CABIN1: variants seen among roughly 807,000 people sequenced by gnomAD.
CABIN1 encodes the protein calcineurin-binding protein cabin-1.
A neutral mutation model predicts 227.7 loss-of-function variants in CABIN1; 133 were observed. The observed-to-expected ratio is 0.58, with a 90% CI of 0.51 to 0.67. The LOEUF is 0.67. Ranked by LOEUF, CABIN1 falls within the 30% of genes least tolerant of loss-of-function variation. The pLI is 0.00. For missense variants in CABIN1, 2,408 were observed against 2,852.5 expected (o/e 0.84, Z 3.55); for synonymous variants, 1,086 against 1,155.1 (o/e 0.94, Z 1.21).
Position 24,098,139 on chromosome 22 carries a change from T to C in CABIN1, c.4064T>C (p.Ile1355Thr), listed in dbSNP as rs138015318. 3.1e-6 allele frequency: 5 copies of C among 1,614,006 alleles called. No homozygotes were observed. Among genetic ancestry groups the C allele is most frequent in the Non-Finnish European group, 4.2e-6 (5 of 1,180,016 alleles). ...LTSPPYTATP[I>T]DHDYVKCKKP... ...TCCCCACCTTACACAGCCACTCCGA[T>C]TGACCACGATTACGTCAAATGTAAA... The change falls in exon 26 of 37, where the codon ATT (isoleucine) becomes ACT (threonine). Residue 1355 changes from isoleucine (I) to threonine (T), a missense_variant. Physicochemically the swap from Ile to Thr is moderately conservative, Grantham distance 89. Transcript: ENST00000263119.
chr22:24,029,623 C>G (rs1409488083), intron 1 of CABIN1, among the ~76,000 whole-genome samples: 1 of 152,080 alleles, frequency 6.6e-6, no homozygotes, highest in Non-Finnish European at 1.5e-5. Flanking sequence ...CCCCCACAGT[C>G]TTCCCAATGT....
chr22:24,072,644 T>A, intron 18 of CABIN1, 134 bp downstream of exon 18: 1 of 1,105,736 alleles, frequency 9.0e-7, no homozygotes, highest in Non-Finnish European at 1.3e-6. Context: ...GGATTTTGCA[T>A]GCGCTTGGAC....
intron 15 of CABIN1, among the ~76,000 whole-genome samples, chr22:24,065,489 T>C (rs1272133541): frequency 0.29 from 42,620 of 149,204 alleles, 7,525 homozygotes; most frequent in African/African-American, 0.5. Context: ...GATGGGATGG[T>C]GTCCGGGCAG....
At chr22:24,167,509 C>T (rs958738322) in intron 32 of CABIN1, among the ~76,000 whole-genome samples, 196 bp downstream of exon 32, 10 of 152,192 alleles carry the variant, frequency 6.6e-5, no homozygotes, top group African/African-American at 1.9e-4. Flanking sequence ...AGTGAGAGCC[C>T]GTCACAGAAA....
chr22:24,154,375 A>G (rs1484887634), intron 29 of CABIN1, among the ~76,000 whole-genome samples: 6 of 152,094 alleles, frequency 3.9e-5, no homozygotes, highest in Admixed American at 2.0e-4. Flanking sequence ...TAGTGGCCTT[A>G]TTGCTGTGTG....
rs1014441975 is a variant in CABIN1, at chr22:24,056,109, AAG to A, written c.1094-80_1094-79del. The A allele has an allele frequency of 1.5e-4, 171 of 1,173,090 alleles. 1 individual carries two copies. The African/African-American group carries it at 1.9e-3, about 13-fold the overall frequency. The allele number at this position is 1,173,090 out of a possible 1,614,324, so 72.7% of individuals were successfully genotyped here. On this transcript the variant is annotated intron_variant, in intron 9 of 36. Coordinates refer to ENST00000263119, the MANE Select transcript of CABIN1 (RefSeq NM_012295.4). ...GAGTTTAATGCTAGTAGATTTATAAAAGAGGGAGATTGATGTGTCTGTGTGGT... is the reference window on the plus strand; with the variant it reads ...GAGTTTAATGCTAGTAGATTTATAAAAGGGAGATTGATGTGTCTGTGTGGT...
chr22:24,026,304 A>G (rs1055547510), intron 1 of CABIN1, among the ~76,000 whole-genome samples: 34 of 152,136 alleles, frequency 2.2e-4, no homozygotes, highest in African/African-American at 6.0e-4. Flanking sequence ...GTAGATTTTG[A>G]TGATTATTTT....
At chr22:24,033,645 G>A (rs182475852) in intron 1 of CABIN1, among the ~76,000 whole-genome samples, 1 of 152,168 alleles carries the variant, frequency 6.6e-6, no homozygotes, top group Non-Finnish European at 1.5e-5. Context: ...CCAGTTCCTC[G>A]GGCCAGCCTC....
At chr22:24,031,744 A>C (rs536665326) in intron 1 of CABIN1, among the ~76,000 whole-genome samples, 1 of 152,210 alleles carries the variant, frequency 6.6e-6, no homozygotes, top group African/African-American at 2.4e-5. Flanking sequence ...CACTTCTTCT[A>C]ATCTCCAGTG....
rs34701900 is a variant in CABIN1, at chr22:24,135,389, TA to T, written c.4746+985del. On this transcript the variant is annotated intron_variant, in intron 29 of 36. Transcript: ENST00000263119. ...GGGGAGACAGAGTGAGACTCCCTCT[TA>T]AAAAAAAAAAGAGTGTGACCAATAT... is the stretch of plus-strand genomic sequence containing the variant. Among the ~76,000 whole-genome samples the T allele has an allele frequency of 9.0e-4, 132 of 146,796 alleles. 1 individual carries two copies. The East Asian group carries it at 0.013, about 15-fold the overall frequency.
chr22:24,062,155 C>T (rs2039239091), intron 13 of CABIN1, 130 bp downstream of exon 13: 1 of 754,550 alleles, frequency 1.3e-6, no homozygotes, highest in Non-Finnish European at 2.3e-6. Context: ...TTTGGGTTGG[C>T]TTGTCAGGGT....
intron 23 of CABIN1, among the ~76,000 whole-genome samples, chr22:24,089,243 A>T (rs923679220): frequency 6.6e-6 from 1 of 152,236 alleles, no homozygotes; most frequent in African/African-American, 2.4e-5. Flanking sequence ...ACTTGTTTGT[A>T]GAGCTTTGTT....
intron 19 of CABIN1, 113 bp downstream of exon 19, chr22:24,076,397 C>A: frequency 1.3e-6 from 1 of 785,616 alleles, no homozygotes; most frequent in Non-Finnish European, 2.2e-6. Context: ...TTGGCCTTCC[C>A]TCAGTGGGCC....
rs1447112291 is a variant in CABIN1, at chr22:24,098,083, C to T, written c.4008C>T (p.Ser1336=). The change falls in exon 26 of 37, where the codon TCC becomes TCT. Residue 1336 remains serine, a synonymous_variant. Transcript: ENST00000263119. ...SAGTLPGPGA[S]LPSSSGPGLT... ...GGACACTGCCGGGCCCCGGAGCCTC[C>T]CTCCCCTCCTCCTCTGGCCCAGGTC... 5 of 1,613,992 alleles carry T rather than the reference C, an allele frequency of 3.1e-6. No individual in the cohort carries two copies. Among genetic ancestry groups the T allele is most frequent in the Non-Finnish European group, 4.2e-6 (5 of 1,180,004 alleles).
Position 24,119,534 on chromosome 22 carries a change from C to T in CABIN1, c.4468C>T (p.Pro1490Ser). Residue 1490 changes from proline to serine, a missense_variant, in exon 28 of 37, where the codon CCA (proline) becomes TCA (serine). Pro to Ser is a moderately conservative substitution (Grantham distance 74). Coordinates refer to ENST00000263119, the MANE Select transcript of CABIN1 (RefSeq NM_012295.4). ...GAAGAGAGGGGACCTCCCAGGGGAG[C>T]CAGTGGCCTTCCCCCAGGGGCTGCC... Reference protein sequence around the residue: ...GKKRGDLPGEPVAFPQGLPAG... With the variant: ...GKKRGDLPGESVAFPQGLPAG... 1 of 1,613,946 alleles carries T rather than the reference C, an allele frequency of 6.2e-7. No homozygotes were observed. The highest frequency in any genetic ancestry group is 8.5e-7 in the Non-Finnish European group (1 of 1,180,014).
At chr22:24,170,951 C>G (rs1469805019) in intron 33 of CABIN1, among the ~76,000 whole-genome samples, 2 of 152,310 alleles carry the variant, frequency 1.3e-5, no homozygotes, top group African/African-American at 4.8e-5. Context: ...GGCTGCCTCA[C>G]ATCACCTCAA....
intron 6 of CABIN1, among the ~76,000 whole-genome samples, chr22:24,046,897 C>T (rs962014954): frequency 3.4e-5 from 5 of 148,498 alleles, no homozygotes; most frequent in Admixed American, 6.7e-5. Context: ...AGGTAGAAAA[C>T]CCCCCCCACC....
chr22:24,076,182 G>A lies in CABIN1; in HGVS notation c.2646G>A (p.Thr882=), dbSNP rs755875223. The change falls in exon 19 of 37, where the codon ACG becomes ACA. Residue 882 remains threonine, a synonymous_variant. Transcript: ENST00000263119. ...GGCTTTCCCTAGGGATGTCAGAGAC[G>A]CCCATGCTCCCATCCTCCCTCATGC... is the stretch of plus-strand genomic sequence containing the variant. ...QNPAEEGMSE[T]PMLPSSLMLL... The A allele has an allele frequency of 5.6e-6, 9 of 1,613,962 alleles. No individual in the cohort carries two copies. The highest frequency in any genetic ancestry group is 1.7e-5 in the Admixed American group (1 of 60,002).
chr22:24,038,132 C>G (rs2037066508), intron 3 of CABIN1, among the ~76,000 whole-genome samples: 1 of 152,130 alleles, frequency 6.6e-6, no homozygotes, highest in African/African-American at 2.4e-5. Flanking sequence ...AACAGAGATT[C>G]CATCACATAG....
Sources: gnomAD v4.1 joint callset for allele counts (sites outside exome capture counted in the v4.1 genomes callset) on GRCh38, gnomAD v4.1.1 for gene constraint, MANE v1.5 for transcripts, NCBI Gene and HGNC (gene_info 2026-07-23, HGNC 2026-07-21) for gene names.